The following MALRD1 variants were observed in gnomAD, a reference collection of about 807,000 sequenced individuals.
MALRD1 encodes the protein MAM and LDL-receptor class A domain-containing protein 1.
MALRD1 carries 247 observed loss-of-function variants against 242.1 expected under a neutral mutation model. The observed-to-expected ratio is 1.02, with a 90% CI of 0.92 to 1.13. The LOEUF is 1.13. MALRD1 is among the 50% of genes most tolerant of loss of function. MALRD1 has a pLI of 0.00. For missense variants in MALRD1, 2,989 were observed against 2,533.1 expected (o/e 1.18, Z -3.86); for synonymous variants, 995 against 866.6 (o/e 1.15, Z -2.60).
At chr10:19,283,455 TTG>T (rs201770519) in intron 21 of MALRD1, among the ~76,000 whole-genome samples, 1 of 151,802 alleles carries the variant, frequency 6.6e-6, no homozygotes, top group African/African-American at 2.4e-5. Flanking sequence ...TGTTAGTATA[TTG>T]TTTTTAAAAT....
chr10:19,302,415 A>C (rs920263856), intron 21 of MALRD1, among the ~76,000 whole-genome samples: 8 of 151,876 alleles, frequency 5.3e-5, no homozygotes, highest in African/African-American at 1.9e-4. Flanking sequence ...TGGACAAACA[A>C]AAATGTTATA....
rs574329011 is a variant in MALRD1, at chr10:19,351,439, T to C, written c.4150-567T>C. ...GTGGGTTGCTCTGTGAAGGCCCATT[T>C]GTAGCATTTCAAGTAAAATTTGGAT... On this transcript the variant is annotated intron_variant, in intron 25 of 39. Transcript: ENST00000454679. Among the ~76,000 whole-genome samples, 13 of 152,314 alleles carry C rather than the reference T, an allele frequency of 8.5e-5. 1 individual carries two copies. In the East Asian group the frequency reaches 9.7e-4, roughly 11 times the overall value.
intron 11 of MALRD1, among the ~76,000 whole-genome samples, chr10:19,150,613 G>C (rs1833913990): frequency 6.6e-6 from 1 of 152,138 alleles, no homozygotes; most frequent in Non-Finnish European, 1.5e-5. Flanking sequence ...GGGAATTACA[G>C]GACTTAACTC....
At chr10:19,436,677 C>A (rs535359425) in intron 28 of MALRD1, among the ~76,000 whole-genome samples, 1 of 152,248 alleles carries the variant, frequency 6.6e-6, no homozygotes, top group South Asian at 2.1e-4. Context: ...TTCCACTCAT[C>A]CGTCTATGAG....
intron 36 of MALRD1, among the ~76,000 whole-genome samples, chr10:19,664,447 T>G (rs1257246436): frequency 2.0e-5 from 3 of 152,014 alleles, no homozygotes; most frequent in African/African-American, 4.8e-5. Flanking sequence ...TCCTTCTGTT[T>G]TTAATTGCTT....
intron 26 of MALRD1, among the ~76,000 whole-genome samples, chr10:19,354,379 G>T (rs7908044): frequency 2.6e-5 from 4 of 151,802 alleles, no homozygotes; most frequent in African/African-American, 9.7e-5. Context: ...GGAAAAAAAT[G>T]CCTTGAATAA....
At position 19,692,319 on chromosome 10, in the gene MALRD1, A is replaced by G. The variant is rs1014997286; in HGVS notation, c.6175A>G (p.Lys2059Glu). The G allele has an allele frequency of 6.5e-7, 1 of 1,535,262 alleles. No homozygotes were observed. Among genetic ancestry groups the G allele is most frequent in the Non-Finnish European group, 8.7e-7 (1 of 1,146,464 alleles). Residue 2059 changes from lysine to glutamate, a missense_variant, in exon 37 of 40, where the codon AAG (lysine) becomes GAG (glutamate). By Grantham distance (56) the Lys-to-Glu change is moderately conservative. Coordinates refer to ENST00000454679, the MANE Select transcript of MALRD1 (RefSeq NM_001142308.3). Reference protein sequence around the residue: ...QGWKGNRCHIKFNPPATDFTY... With the variant: ...QGWKGNRCHIEFNPPATDFTY... ...CTGGAAAGGAAATCGATGCCATATC[A>G]AGTTTAATCCTCCTGCTACAGACTT...
rs189343810 is a variant in MALRD1, at chr10:19,151,799, T to A, written c.1559-3276T>A. Among the ~76,000 whole-genome samples, 66 of 152,316 alleles carry A rather than the reference T, an allele frequency of 4.3e-4. 1 individual carries two copies. The South Asian group carries it at 0.011, about 26-fold the overall frequency. On this transcript the variant is annotated intron_variant, in intron 11 of 39. Transcript: ENST00000454679. ...TGATATGATTGTCAGATTATCTTTT[T>A]TGTCTATAAGGTAAATTGATTTTTT...
At chr10:19,541,703 G>A (rs1033259775) in intron 32 of MALRD1, among the ~76,000 whole-genome samples, 5 of 152,174 alleles carry the variant, frequency 3.3e-5, no homozygotes, top group Admixed American at 6.5e-5. Flanking sequence ...GGTACACTTA[G>A]GAGTGTGTCA....
intron 31 of MALRD1, among the ~76,000 whole-genome samples, chr10:19,524,480 T>G (rs1476794045): frequency 6.6e-6 from 1 of 151,454 alleles, no homozygotes; most frequent in Non-Finnish European, 1.5e-5. Context: ...AAAAAAAAAT[T>G]GCAGATGCAC....
chr10:19,539,923 C>T (rs1294043989), intron 32 of MALRD1, among the ~76,000 whole-genome samples: 20 of 119,992 alleles, frequency 1.7e-4, no homozygotes, highest in Middle Eastern at 5.2e-3. Flanking sequence ...CGCACACACG[C>T]GCAGTGATGG....
intron 28 of MALRD1, among the ~76,000 whole-genome samples, chr10:19,407,447 A>G (rs754746668): frequency 3.9e-5 from 6 of 152,136 alleles, no homozygotes; most frequent in Non-Finnish European, 5.9e-5. Flanking sequence ...GTGCCACTGC[A>G]CTCCAGTCTG....
chr10:19,067,975 A>T (rs1033228559), intron 2 of MALRD1, among the ~76,000 whole-genome samples: 15 of 152,246 alleles, frequency 9.9e-5, no homozygotes, highest in Middle Eastern at 3.4e-3. Flanking sequence ...ATTACCAAAA[A>T]GGGTCCAGCT....
chr10:19,511,937 ATCT>A (rs915786275), intron 31 of MALRD1, among the ~76,000 whole-genome samples: 8 of 152,090 alleles, frequency 5.3e-5, no homozygotes, highest in Admixed American at 2.0e-4. Context: ...CTAGGATGTC[ATCT>A]TCTTCTGAAG....
chr10:19,368,447 G>C (rs1203574719), intron 26 of MALRD1, among the ~76,000 whole-genome samples: 1 of 151,768 alleles, frequency 6.6e-6, no homozygotes, highest in Non-Finnish European at 1.5e-5. Context: ...GATTCATTTT[G>C]GGGTTCTGTA....
At chr10:19,229,985 A>C (rs977960346) in intron 18 of MALRD1, among the ~76,000 whole-genome samples, 2 of 152,136 alleles carry the variant, frequency 1.3e-5, no homozygotes, top group African/African-American at 4.8e-5. Flanking sequence ...TCATGGGGGC[A>C]GTTTTCCCCA....
chr10:19,513,270 C>A (rs948473710), intron 31 of MALRD1, among the ~76,000 whole-genome samples: 2 of 151,568 alleles, frequency 1.3e-5, no homozygotes, highest in African/African-American at 4.9e-5. Context: ...GTAGACCTCC[C>A]CCTTCACTCT....
chr10:19,050,348 A>G (rs1834454604), intron 1 of MALRD1, among the ~76,000 whole-genome samples: 2 of 151,190 alleles, frequency 1.3e-5, no homozygotes, highest in African/African-American at 4.8e-5. Context: ...CGGCCTCCCA[A>G]AGTGCTGGGA....
intron 29 of MALRD1, among the ~76,000 whole-genome samples, chr10:19,451,793 C>G (rs1204893903): frequency 6.6e-6 from 1 of 152,142 alleles, no homozygotes; most frequent in African/African-American, 2.4e-5. Flanking sequence ...TTCGAATTCC[C>G]TCTCCTCCAA....
Sources: gnomAD v4.1 joint callset for allele counts (sites outside exome capture counted in the v4.1 genomes callset) on GRCh38, gnomAD v4.1.1 for gene constraint, MANE v1.5 for transcripts, NCBI Gene and HGNC (gene_info 2026-07-23, HGNC 2026-07-21) for gene names.